The following SETBP1 variants were observed in gnomAD, a reference collection of about 807,000 sequenced individuals.
SETBP1 encodes SET-binding protein.
In SETBP1, 9 loss-of-function variants were observed where a neutral mutation model predicts 101.0. The ratio of observed to expected loss-of-function variants is 0.09; its 90% CI spans 0.05 to 0.16. The LOEUF (loss-of-function observed/expected upper bound fraction) is 0.16. Ranked by LOEUF, SETBP1 falls within the 10% of genes least tolerant of loss-of-function variation. The pLI, the probability that SETBP1 is intolerant of heterozygous loss-of-function variation, is 1.00. For synonymous variants in SETBP1, 818 were observed against 788.5 expected (o/e 1.04, Z -0.63); for missense variants, 1,858 against 2,033.8 (o/e 0.91, Z 1.66).
intron 3 of SETBP1, among the ~76,000 whole-genome samples, chr18:44,921,553 A>G (rs563240715): frequency 4.3e-4 from 66 of 152,338 alleles, no homozygotes; most frequent in South Asian, 1.2e-3. Flanking sequence ...AAGAACAAAA[A>G]TACTTTGCTT....
At chr18:44,826,623 A>ATT (rs551249628) in intron 2 of SETBP1, among the ~76,000 whole-genome samples, 1 of 149,786 alleles carries the variant, frequency 6.7e-6, no homozygotes, top group African/African-American at 2.5e-5. Flanking sequence ...GAAGTGGAGG[A>ATT]TTTTTTTTTT....
chr18:44,721,665 C>G (rs1175789590), intron 2 of SETBP1, among the ~76,000 whole-genome samples: 1 of 152,168 alleles, frequency 6.6e-6, no homozygotes, highest in Non-Finnish European at 1.5e-5. Context: ...TCCACAGTAT[C>G]TCCTTTTAAA....
chr18:44,701,959 C>T (rs2069123591), intron 2 of SETBP1, 127 bp downstream of exon 2: 1 of 1,052,592 alleles, frequency 9.5e-7, no homozygotes. Flanking sequence ...GGGATTCAGA[C>T]CCCTGCACAG....
chr18:44,680,787 C>CGGCTGGCGG (rs1349804317), upstream of SETBP1: 1 of 151,422 alleles, frequency 6.6e-6, no homozygotes, highest in Non-Finnish European at 1.5e-5. Context: ...GTCCTGCAGC[C>CGGCTGGCGG]GGCTGGCGGG....
intron 3 of SETBP1, among the ~76,000 whole-genome samples, chr18:44,909,379 C>T (rs373072929): frequency 6.6e-6 from 1 of 152,164 alleles, no homozygotes; most frequent in African/African-American, 2.4e-5. Context: ...GGTGTCTGCT[C>T]GGCTGTCATT....
At chr18:44,765,263 A>G (rs2070742060) in intron 2 of SETBP1, among the ~76,000 whole-genome samples, 1 of 151,992 alleles carries the variant, frequency 6.6e-6, no homozygotes, top group Non-Finnish European at 1.5e-5. Context: ...TCTGTAGGAA[A>G]AAAAAAAAGC....
chr18:44,773,024 G>A (rs913366381), intron 2 of SETBP1, among the ~76,000 whole-genome samples: 2 of 152,010 alleles, frequency 1.3e-5, no homozygotes, highest in Non-Finnish European at 2.9e-5. Flanking sequence ...TACTTTCTTG[G>A]TATTCATTGA....
chr18:45,012,692 A>T (rs1385517034), intron 4 of SETBP1, among the ~76,000 whole-genome samples: 2 of 152,238 alleles, frequency 1.3e-5, no homozygotes, highest in Non-Finnish European at 2.9e-5. Flanking sequence ...TAAAAAAAAT[A>T]AAATCATGTC....
chr18:45,004,172 T>C (rs148087367), intron 4 of SETBP1, among the ~76,000 whole-genome samples: 27 of 152,332 alleles, frequency 1.8e-4, no homozygotes, highest in African/African-American at 6.0e-4. Context: ...GCATATGGCA[T>C]AGGTGTGAAC....
chr18:45,007,820 G>A (rs2072760964), intron 4 of SETBP1, among the ~76,000 whole-genome samples: 1 of 152,150 alleles, frequency 6.6e-6, no homozygotes, highest in African/African-American at 2.4e-5. Context: ...GCTATTCTGA[G>A]GATGAAGAAT....
chr18:44,845,368 A>G (rs1463760835), intron 2 of SETBP1, among the ~76,000 whole-genome samples: 2 of 152,108 alleles, frequency 1.3e-5, no homozygotes, highest in African/African-American at 4.8e-5. Context: ...GCAGTAATTT[A>G]CACACAGAGA....
intron 2 of SETBP1, among the ~76,000 whole-genome samples, chr18:44,769,398 C>T (rs2070827633): frequency 6.6e-6 from 1 of 152,168 alleles, no homozygotes; most frequent in Non-Finnish European, 1.5e-5. Context: ...ATATTTTTTT[C>T]AGACCACAAG....
chr18:44,783,060 C>T (rs1035467770), intron 2 of SETBP1, among the ~76,000 whole-genome samples: 1 of 152,118 alleles, frequency 6.6e-6, no homozygotes, highest in African/African-American at 2.4e-5. Context: ...AGGCACATAA[C>T]CCCAAAAGGT....
chr18:44,886,378 TG>T (rs1324266332), intron 3 of SETBP1, among the ~76,000 whole-genome samples: 1 of 152,164 alleles, frequency 6.6e-6, no homozygotes, highest in Non-Finnish European at 1.5e-5. Context: ...GCTTACTACT[TG>T]GGACAGTGAG....
intron 3 of SETBP1, among the ~76,000 whole-genome samples, chr18:44,941,077 C>CTTTTTTTT (rs71177660): frequency 8.0e-5 from 6 of 74,878 alleles, no homozygotes; most frequent in Non-Finnish European, 1.2e-4. Context: ...AGAAGTCAGA[C>CTTTTTTTT]TTTTTTTTTT....
At chr18:44,982,059 G>A (rs1223936111) in intron 4 of SETBP1, among the ~76,000 whole-genome samples, 1 of 152,206 alleles carries the variant, frequency 6.6e-6, no homozygotes, top group African/African-American at 2.4e-5. Context: ...TTTGGGGAAG[G>A]TGGGGTGGAG....
chr18:44,925,102 G>T (rs1368835511), intron 3 of SETBP1, among the ~76,000 whole-genome samples: 58 of 143,498 alleles, frequency 4.0e-4, no homozygotes, highest in Middle Eastern at 3.4e-3. Flanking sequence ...GTTCTGCCTG[G>T]ATTTTTTTTT....
At chr18:44,864,728 C>A (rs1022732102) in intron 2 of SETBP1, among the ~76,000 whole-genome samples, 2 of 152,052 alleles carry the variant, frequency 1.3e-5, no homozygotes, top group Non-Finnish European at 2.9e-5. Context: ...GGGAGCGGTG[C>A]GGACATTTAG....
intron 5 of SETBP1, 32 bp from the exon 6 acceptor site, chr18:45,063,047 T>C (rs2145592157): frequency 6.2e-7 from 1 of 1,612,984 alleles, no homozygotes; most frequent in Middle Eastern, 1.7e-4. Context: ...TTGCATCCTG[T>C]GCTCAATTTC....
Sources: allele counts gnomAD v4.1 joint callset (sites outside exome capture counted in the v4.1 genomes callset), GRCh38; gene constraint gnomAD v4.1.1; transcripts MANE v1.5; gene names NCBI Gene and HGNC (gene_info 2026-07-23, HGNC 2026-07-21).